Variants in SPPL2A observed in about 807,000 individuals in gnomAD.
SPPL2A encodes the protein signal peptide peptidase like 2A.
In SPPL2A, 51 loss-of-function variants were observed where a neutral mutation model predicts 63.8. The observed-to-expected ratio is 0.80, with a 90% CI of 0.64 to 1.01. The LOEUF is 1.01. Ranked by LOEUF, SPPL2A falls within the 50% of genes least tolerant of loss-of-function variation. The pLI, the probability that SPPL2A is intolerant of heterozygous loss-of-function variation, is 0.00. For missense variants in SPPL2A, 553 were observed against 622.7 expected (o/e 0.89, Z 1.19); for synonymous variants, 188 against 205.8 (o/e 0.91, Z 0.74).
intron 10 of SPPL2A, among the ~76,000 whole-genome samples, chr15:50,728,659 T>A (rs975478128): frequency 2.0e-5 from 3 of 150,690 alleles, no homozygotes; most frequent in African/African-American, 7.3e-5. Context: ...AATTTCTTTT[T>A]TTGAAACGGA....
Position 50,706,321 on chromosome 15 carries a change from C to T in SPPL2A, c.*1479G>A, listed in dbSNP as rs891331060. On this transcript the variant is annotated 3_prime_UTR_variant, in exon 15 of 15. Transcript: ENST00000261854. ...AGGAGAATGGCGTGAACCCGGGAGG[C>T]GGAGCTTGCAGTGAGCCGAGATCCC... 3.0e-5 allele frequency: 4 copies of T among 133,410 alleles called. No homozygotes were observed. Among genetic ancestry groups the T allele is most frequent in the Admixed American group, 8.5e-5 (1 of 11,778 alleles). The allele number at this position is 133,410 out of a possible 1,614,324, so 8.3% of individuals were successfully genotyped here. A position where few individuals can be genotyped will look rare whatever the true frequency, so the allele number is the denominator to read the frequency against.
In SPPL2A at chr15:50,749,599, T is replaced by A. The variant is rs186797073; in HGVS notation, c.177+37A>T. 52 of 1,353,536 alleles carry A rather than the reference T, an allele frequency of 3.8e-5. 1 individual carries two copies. In the African/African-American group the frequency reaches 4.4e-4, roughly 12 times the overall value. The allele number at this position is 1,353,536 out of a possible 1,614,324, so 83.8% of individuals were successfully genotyped here. On this transcript the variant is annotated intron_variant, in intron 2 of 14. Transcript: ENST00000261854. Reference sequence around the variant, plus strand: ...CCGTGCCCAGCCTCCTTCTTCACTATTTTTATGTTTATGAATAGTAACTGT... The same window carrying A: ...CCGTGCCCAGCCTCCTTCTTCACTAATTTTATGTTTATGAATAGTAACTGT...
rs2063054555 is a variant in SPPL2A, at chr15:50,765,650, G to A, written c.-117C>T. The A allele has an allele frequency of 1.5e-6, 1 of 645,906 alleles. No homozygotes were observed. Among genetic ancestry groups the A allele is most frequent in the Non-Finnish European group, 2.3e-6 (1 of 439,492 alleles). 40.0% of individuals were successfully genotyped at this position (645,906 alleles called of 1,614,324 possible). A position where few individuals can be genotyped will look rare whatever the true frequency, so the allele number is the denominator to read the frequency against. ...GCCGGACCGGACCGGACAGGCGCGG[G>A]CGGCCGGGCTACGACTGGACCGCCG... On this transcript the variant is annotated 5_prime_UTR_variant, in exon 1 of 15. Coordinates refer to ENST00000261854, the MANE Select transcript of SPPL2A (RefSeq NM_032802.4).
intron 10 of SPPL2A, among the ~76,000 whole-genome samples, chr15:50,728,025 A>G (rs1167904136): frequency 1.3e-5 from 2 of 152,234 alleles, no homozygotes; most frequent in African/African-American, 4.8e-5. Flanking sequence ...TTTTCATCCT[A>G]TACCTTTAAA....
intron 1 of SPPL2A, among the ~76,000 whole-genome samples, chr15:50,763,195 A>C (rs1246373960): frequency 6.6e-6 from 1 of 152,138 alleles, no homozygotes; most frequent in Admixed American, 6.6e-5. Flanking sequence ...AGAAGACTTC[A>C]GACAGAGTTG....
chr15:50,764,897 A>G (rs901290735), intron 1 of SPPL2A, among the ~76,000 whole-genome samples: 2 of 141,630 alleles, frequency 1.4e-5, no homozygotes, highest in Non-Finnish European at 3.1e-5. Context: ...AATTACTGCT[A>G]TTAAAACCCC....
chr15:50,738,346 C>T (rs1381283475), intron 6 of SPPL2A, among the ~76,000 whole-genome samples: 1 of 151,970 alleles, frequency 6.6e-6, no homozygotes, highest in Non-Finnish European at 1.5e-5. Flanking sequence ...GTCAGGAGTT[C>T]GAGACCAGCC....
chr15:50,717,669 A>C (rs1336706518), intron 14 of SPPL2A, among the ~76,000 whole-genome samples: 4 of 151,902 alleles, frequency 2.6e-5, no homozygotes, highest in Non-Finnish European at 5.9e-5. Flanking sequence ...GTAACCCTCT[A>C]CTCAGCATTA....
At chr15:50,718,023 G>C (rs1054154467) in intron 14 of SPPL2A, among the ~76,000 whole-genome samples, 14 of 140,564 alleles carry the variant, frequency 1.0e-4, no homozygotes, top group African/African-American at 3.8e-4. Flanking sequence ...CCAGGCTGGA[G>C]TGCAGTGGCA....
At chr15:50,708,858 C>A (rs143153385) in intron 14 of SPPL2A, among the ~76,000 whole-genome samples, 2 of 151,060 alleles carry the variant, frequency 1.3e-5, no homozygotes, top group South Asian at 2.1e-4. Flanking sequence ...ACAGTGAAAC[C>A]CCGTTTCTAC....
Position 50,702,559 on chromosome 15 carries a change from A to G in SPPL2A, c.*5241T>C, listed in dbSNP as rs2062484043. On this transcript the variant is annotated 3_prime_UTR_variant, in exon 15 of 15. Transcript: ENST00000261854. ...AATGTTTTCATTTGAACAAAATGCA[A>G]CAGAAGGTATAAAACAGGCAAAAAT... 1 of 152,232 alleles carries G rather than the reference A, an allele frequency of 6.6e-6. No individual in the cohort carries two copies. The highest frequency in any genetic ancestry group is 1.5e-5 in the Non-Finnish European group (1 of 68,036). 9.4% of individuals were successfully genotyped at this position (152,232 alleles called of 1,614,324 possible).
rs1193749137 is a variant in SPPL2A, at chr15:50,705,833, G to A, written c.*1967C>T. 1 of 152,134 alleles carries A rather than the reference G, an allele frequency of 6.6e-6. No homozygotes were observed. The highest frequency in any genetic ancestry group is 2.4e-5 in the African/African-American group (1 of 41,412). 9.4% of individuals were successfully genotyped at this position (152,134 alleles called of 1,614,324 possible). On this transcript the variant is annotated 3_prime_UTR_variant, in exon 15 of 15. Transcript: ENST00000261854. ...GTTTTATTTTTAATAAATTGAACTG[G>A]CCTTAGATGAAAGATATAGTTCTGT... is the stretch of plus-strand genomic sequence containing the variant.
intron 12 of SPPL2A, among the ~76,000 whole-genome samples, chr15:50,722,603 C>T (rs567244773): frequency 3.1e-4 from 47 of 152,190 alleles, no homozygotes; most frequent in African/African-American, 1.1e-3. Context: ...ACTACAGGCG[C>T]GTGCCACCAC....
At position 50,736,093 on chromosome 15, in the gene SPPL2A, A is replaced by T; in HGVS notation, c.932+8T>A. 5 of 1,518,842 alleles carry T rather than the reference A, an allele frequency of 3.3e-6. No homozygotes were observed. Among genetic ancestry groups the T allele is most frequent in the Non-Finnish European group, 4.6e-6 (5 of 1,094,984 alleles). The allele number at this position is 1,518,842 out of a possible 1,614,324, so 94.1% of individuals were successfully genotyped here. ...TAATCTAAAAGCAAATACATTGAGTATTCATACCTGTCTTCATTTCGAAAC... is the reference window on the plus strand; with the variant it reads ...TAATCTAAAAGCAAATACATTGAGTTTTCATACCTGTCTTCATTTCGAAAC... On this transcript the variant is annotated splice_region_variant and intron_variant, in intron 8 of 14. Coordinates refer to ENST00000261854, the MANE Select transcript of SPPL2A (RefSeq NM_032802.4).
intron 10 of SPPL2A, among the ~76,000 whole-genome samples, chr15:50,727,046 G>A (rs2062693052): frequency 6.6e-6 from 1 of 152,164 alleles, no homozygotes; most frequent in Non-Finnish European, 1.5e-5. Flanking sequence ...TTTTATGTGG[G>A]TTGTGTGAGG....
intron 1 of SPPL2A, among the ~76,000 whole-genome samples, chr15:50,751,086 G>C (rs1405622155): frequency 6.6e-6 from 1 of 152,080 alleles, no homozygotes; most frequent in Non-Finnish European, 1.5e-5. Context: ...CCATACTTGG[G>C]GCTGCACAGC....
At chr15:50,707,979 A>G (rs1230332476) in intron 14 of SPPL2A, 105 bp from the exon 15 acceptor site, 1 of 692,166 alleles carries the variant, frequency 1.4e-6, no homozygotes, top group East Asian at 2.6e-5. Flanking sequence ...AGATTGCTCT[A>G]TGAAACTGAG....
At chr15:50,728,628 GA>G (rs1180503264) in intron 10 of SPPL2A, among the ~76,000 whole-genome samples, 2 of 147,820 alleles carry the variant, frequency 1.4e-5, no homozygotes, top group Non-Finnish European at 3.0e-5. Flanking sequence ...TTACAGGCGT[GA>G]ACCACTGCGC....
Position 50,725,334 on chromosome 15 carries a change from A to C in SPPL2A, c.1147-11T>G, listed in dbSNP as rs755389034. On this transcript the variant is annotated splice_polypyrimidine_tract_variant and intron_variant, in intron 11 of 14. Transcript: ENST00000261854. The stretch of plus-strand genomic sequence containing the variant: ...GATGACTACTGGCAACTGTTCAAAA[A>C]CAAAACAAAACAAAACAAAACAAAA... 1.0e-5 allele frequency: 5 copies of C among 497,348 alleles called. No individual in the cohort carries two copies. The highest frequency in any genetic ancestry group is 1.4e-5 in the Non-Finnish European group (5 of 356,522). The allele number at this position is 497,348 out of a possible 1,614,324, so 30.8% of individuals were successfully genotyped here.
Sources: gnomAD v4.1 joint callset for allele counts (sites outside exome capture counted in the v4.1 genomes callset) on GRCh38, gnomAD v4.1.1 for gene constraint, MANE v1.5 for transcripts, NCBI Gene and HGNC (gene_info 2026-07-23, HGNC 2026-07-21) for gene names.